Variants in FAM135B observed in about 807,000 individuals in gnomAD.
FAM135B encodes the protein protein FAM135B.
A neutral mutation model predicts 127.7 loss-of-function variants in FAM135B; 43 were observed. The ratio of observed to expected loss-of-function variants is 0.34; its 90% CI spans 0.26 to 0.43. The LOEUF is 0.43. FAM135B is among the 20% of genes least tolerant of loss of function. The probability of loss-of-function intolerance (pLI) is 1.00; values close to 1 mark genes in which losing one functional copy is unlikely to be tolerated. For synonymous variants in FAM135B, 670 were observed against 665.1 expected, an observed-to-expected ratio of 1.01 and a Z score of -0.11; for missense variants, 1,558 against 1,725.6, an observed-to-expected ratio of 0.90 and a Z score of 1.72.
intron 1 of FAM135B, among the ~76,000 whole-genome samples, chr8:138,443,595 A>C (rs1038809269): frequency 5.9e-5 from 9 of 152,130 alleles, no homozygotes; most frequent in African/African-American, 2.2e-4. Flanking sequence ...AAATTAATTC[A>C]CTCAGCAAGT....
intron 3 of FAM135B, among the ~76,000 whole-genome samples, chr8:138,306,757 T>G (rs1213169202): frequency 6.6e-6 from 1 of 152,104 alleles, no homozygotes; most frequent in African/African-American, 2.4e-5. Flanking sequence ...TAATTTTTTC[T>G]ATTTTTAGTA....
At chr8:138,193,775 T>C (rs1035084257) in intron 9 of FAM135B, among the ~76,000 whole-genome samples, 2 of 152,132 alleles carry the variant, frequency 1.3e-5, no homozygotes, top group African/African-American at 4.8e-5. Context: ...GTGAGCTCTC[T>C]AGCGGTCCCC....
chr8:138,381,451 T>C (rs1490314750), intron 1 of FAM135B, among the ~76,000 whole-genome samples: 1 of 152,114 alleles, frequency 6.6e-6, no homozygotes, highest in Non-Finnish European at 1.5e-5. Flanking sequence ...AACCTTGCCT[T>C]GTGCATGTCA....
chr8:138,265,651 C>G (rs1822855124), intron 4 of FAM135B, 52 bp downstream of exon 4: 1 of 1,597,702 alleles, frequency 6.3e-7, no homozygotes, highest in Non-Finnish European at 8.6e-7. Context: ...TGAGAGAGAA[C>G]AGCCATGATA....
In FAM135B at chr8:138,152,857, T is replaced by G. The variant is rs1216827083; in HGVS notation, c.1618A>C (p.Ser540Arg). The G allele has an allele frequency of 1.9e-6, 3 of 1,614,214 alleles. No homozygotes were observed. Among genetic ancestry groups the G allele is most frequent in the Non-Finnish European group, 1.7e-6 (2 of 1,180,018 alleles). ...PVADVDTSRRSPGPEDGQAPV... is the reference protein window; with the variant it reads ...PVADVDTSRRRPGPEDGQAPV... ...GCCTGTCCATCCTCTGGACCTGGAC[T>G]CCTTCTAGAAGTATCCACATCTGCC... Residue 540 changes from serine (S) to arginine (R), a missense_variant, in exon 13 of 20, where the codon AGT becomes CGT. By Grantham distance (110) the Ser-to-Arg change is moderately radical. Transcript: ENST00000395297.
intron 7 of FAM135B, among the ~76,000 whole-genome samples, chr8:138,220,424 C>T (rs1350464950): frequency 6.6e-6 from 1 of 152,130 alleles, no homozygotes; most frequent in Non-Finnish European, 1.5e-5. Context: ...GAGCCTGGAG[C>T]CTCTGAAGCC....
chr8:138,426,870 C>A (rs1834918670), intron 1 of FAM135B, among the ~76,000 whole-genome samples: 1 of 151,790 alleles, frequency 6.6e-6, no homozygotes, highest in South Asian at 2.1e-4. Flanking sequence ...CTCGATTTCT[C>A]CAAAAATTCC....
At chr8:138,482,757 G>A (rs1294778415) in intron 1 of FAM135B, among the ~76,000 whole-genome samples, 1 of 152,124 alleles carries the variant, frequency 6.6e-6, no homozygotes, top group East Asian at 1.9e-4. Context: ...AATGCCAGTA[G>A]CAAAGTTAGG....
chr8:138,192,674 C>G (rs530937132), intron 9 of FAM135B, among the ~76,000 whole-genome samples: 1 of 152,288 alleles, frequency 6.6e-6, no homozygotes, highest in South Asian at 2.1e-4. Context: ...CCAACCCAAC[C>G]AATCAGCACT....
chr8:138,286,657 G>C (rs1355669934), intron 3 of FAM135B, among the ~76,000 whole-genome samples: 1 of 152,246 alleles, frequency 6.6e-6, no homozygotes. Context: ...TCATGGACTA[G>C]AGGTGAGACA....
intron 2 of FAM135B, among the ~76,000 whole-genome samples, chr8:138,332,736 C>T (rs975677497): frequency 1.3e-5 from 2 of 152,040 alleles, no homozygotes; most frequent in African/African-American, 4.8e-5. Context: ...GCCTACGCAA[C>T]TCTAAACCAT....
chr8:138,431,638 T>G (rs542199224), intron 1 of FAM135B, among the ~76,000 whole-genome samples: 3 of 152,174 alleles, frequency 2.0e-5, no homozygotes, highest in Admixed American at 6.5e-5. Flanking sequence ...AACAGAAAAC[T>G]TTTTCCAATC....
chr8:138,449,210 A>G (rs953461121), intron 1 of FAM135B, among the ~76,000 whole-genome samples: 2 of 152,198 alleles, frequency 1.3e-5, no homozygotes, highest in Non-Finnish European at 2.9e-5. Flanking sequence ...CACATACATA[A>G]TTAATTCATT....
At chr8:138,455,948 GCTGT>G (rs967853840) in intron 1 of FAM135B, among the ~76,000 whole-genome samples, 24 of 152,326 alleles carry the variant, frequency 1.6e-4, no homozygotes, top group African/African-American at 5.8e-4. Flanking sequence ...AGACCTACAA[GCTGT>G]CTGTCTTTGT....
intron 19 of FAM135B, among the ~76,000 whole-genome samples, chr8:138,135,255 G>C (rs1370303111): frequency 6.6e-6 from 1 of 152,100 alleles, no homozygotes; most frequent in Non-Finnish European, 1.5e-5. Context: ...CTCTATGTCA[G>C]GGAGACAAGA....
rs978700964 is a variant in FAM135B, at chr8:138,445,523, T to C, written c.-20+51148A>G. Among the ~76,000 whole-genome samples, 5 of 152,094 alleles carry C rather than the reference T, an allele frequency of 3.3e-5. No homozygotes were observed. In the East Asian group the frequency reaches 7.7e-4, roughly 24 times the overall value. ...TATATGCAAATCCATAAATGTAATC[T>C]AGCATATAAACAGAACCAAAGACAA... On this transcript the variant is annotated intron_variant, in intron 1 of 19. Transcript: ENST00000395297.
intron 5 of FAM135B, among the ~76,000 whole-genome samples, chr8:138,254,351 G>A (rs1419471841): frequency 6.6e-6 from 1 of 152,180 alleles, no homozygotes; most frequent in Non-Finnish European, 1.5e-5. Context: ...TTATCACATG[G>A]AGGGCAGGTT....
At chr8:138,478,025 C>A (rs541012091) in intron 1 of FAM135B, among the ~76,000 whole-genome samples, 1 of 152,064 alleles carries the variant, frequency 6.6e-6, no homozygotes, top group African/African-American at 2.4e-5. Context: ...TGTTGTTGCA[C>A]GAGAGAAATA....
intron 2 of FAM135B, among the ~76,000 whole-genome samples, chr8:138,358,794 A>C (rs2131164366): frequency 6.6e-6 from 1 of 152,244 alleles, no homozygotes. Context: ...CAAAACTAGA[A>C]AGGACCACAC....
Sources: gnomAD v4.1 joint callset for allele counts (sites outside exome capture counted in the v4.1 genomes callset) on GRCh38, gnomAD v4.1.1 for gene constraint, MANE v1.5 for transcripts, NCBI Gene and HGNC (gene_info 2026-07-23, HGNC 2026-07-21) for gene names.